The following CSMD2 variants were observed in gnomAD, a reference collection of about 807,000 sequenced individuals.
The protein encoded by CSMD2 is CUB and Sushi multiple domains 2, also known as CUB and sushi domain-containing protein 2.
CSMD2 carries 130 observed loss-of-function variants against 398.5 expected under a neutral mutation model. That is an observed-to-expected ratio of 0.33 (90% confidence interval 0.28 to 0.38). CSMD2 has a LOEUF of 0.38. CSMD2 is among the 10% of genes least tolerant of loss of function. The pLI is 1.00. For missense variants in CSMD2, 3,829 were observed against 4,764.9 expected (o/e 0.80, Z 5.78); for synonymous variants, 1,828 against 1,908.5 (o/e 0.96, Z 1.10).
rs866041088 is a variant in CSMD2, at chr1:33,519,353, T to G, written c.*53+112A>C. 3.6e-4 allele frequency: 230 copies of G among 643,546 alleles called. No individual in the cohort carries two copies. In the Middle Eastern group the frequency reaches 3.8e-3, roughly 11 times the overall value. 39.9% of individuals were successfully genotyped at this position (643,546 alleles called of 1,614,324 possible). On this transcript the variant is annotated intron_variant, in intron 70 of 70. Transcript: ENST00000373381. This position sits in a 1 kb window ranked among gnomAD's most constrained non-coding sequence, Gnocchi z 5.6. Reference sequence around the variant, plus strand: ...TGATGCTCAATGCACAGCTCTCCTCTTACTGGGTGTGTCTATGTGGTGTGT... The same window carrying G: ...TGATGCTCAATGCACAGCTCTCCTCGTACTGGGTGTGTCTATGTGGTGTGT...
chr1:33,693,449 C>T (rs902631441), intron 24 of CSMD2, among the ~76,000 whole-genome samples: 53 of 152,160 alleles, frequency 3.5e-4, no homozygotes, highest in African/African-American at 1.0e-3. Flanking sequence ...ACTATACAAG[C>T]GTAGGTGGGG....
intron 2 of CSMD2, among the ~76,000 whole-genome samples, chr1:34,055,075 C>T (rs1341650878): frequency 1.3e-5 from 2 of 152,182 alleles, no homozygotes; most frequent in Non-Finnish European, 2.9e-5. Flanking sequence ...CTGCCTCCCC[C>T]TGGCATGGTG....
chr1:33,642,537 G>A (rs562145439), intron 29 of CSMD2, among the ~76,000 whole-genome samples: 23 of 152,256 alleles, frequency 1.5e-4, no homozygotes, highest in South Asian at 6.2e-4. Context: ...TCTGGAGTGC[G>A]GATGATGGTC....
chr1:33,983,798 G>A (rs893058390), intron 3 of CSMD2, among the ~76,000 whole-genome samples: 7 of 152,102 alleles, frequency 4.6e-5, no homozygotes, highest in African/African-American at 1.7e-4. Flanking sequence ...TGTTAGCCGA[G>A]AGTGAACATT....
chr1:34,088,801 G>A (rs1292223574), intron 2 of CSMD2, among the ~76,000 whole-genome samples, 176 bp downstream of exon 2: 2 of 152,094 alleles, frequency 1.3e-5, no homozygotes, highest in Non-Finnish European at 2.9e-5. Context: ...CCTCCCAACC[G>A]GAAACCTCTA....
intron 12 of CSMD2, among the ~76,000 whole-genome samples, chr1:33,780,288 G>A (rs1652555467): frequency 6.6e-6 from 1 of 152,172 alleles, no homozygotes; most frequent in Non-Finnish European, 1.5e-5. Context: ...GGCATGCCCA[G>A]ACCACCTGGA....
At chr1:33,678,654 T>A (rs1193073540) in intron 25 of CSMD2, among the ~76,000 whole-genome samples, 2 of 151,916 alleles carry the variant, frequency 1.3e-5, no homozygotes, top group Non-Finnish European at 2.9e-5. Context: ...ACTTGTTTTA[T>A]CAAATGCCCC....
At chr1:33,569,894 TG>T (rs1464234209) in intron 51 of CSMD2, among the ~76,000 whole-genome samples, 3 of 152,178 alleles carry the variant, frequency 2.0e-5, no homozygotes, top group Admixed American at 2.0e-4. Flanking sequence ...TGCTCCTGAG[TG>T]CCCTGGGCAG....
rs1330969566 is a variant in CSMD2 at position 33,820,533 on chromosome 1, C to T, written c.1135G>A (p.Gly379Arg). The change falls in exon 8 of 71, where the codon GGA becomes AGA. Residue 379 changes from glycine to arginine, a missense_variant. Gly to Arg is a moderately radical substitution (Grantham distance 125). This residue lies in a region of CSMD2 where 2,001 missense variants were observed against 2,567.1 expected (regional missense o/e 0.78). Coordinates refer to ENST00000373381, the MANE Select transcript of CSMD2 (RefSeq NM_001281956.2). ...SVLTQVGVSQ[G>R]HNMCPDPGIP... ...CCAGGGTCTGGACACATATTATGTC[C>T]TTGGGACACACCAACCTGAGTTACT... 2.2e-6 allele frequency: 3 copies of T among 1,346,370 alleles called. No homozygotes were observed. The highest frequency in any genetic ancestry group is 2.6e-5 in the East Asian group (1 of 38,648). The allele number at this position is 1,346,370 out of a possible 1,614,324, so 83.4% of individuals were successfully genotyped here.
At chr1:33,873,310 G>GAGCCAATCATT (rs1640606946) in intron 5 of CSMD2, among the ~76,000 whole-genome samples, 1 of 152,132 alleles carries the variant, frequency 6.6e-6, no homozygotes, top group African/African-American at 2.4e-5. Context: ...GAGAGCCAGA[G>GAGCCAATCATT]GGTAGATTGT....
chr1:33,870,426 T>A (rs1640376421), intron 5 of CSMD2: 1 of 152,096 alleles, frequency 6.6e-6, no homozygotes, highest in African/African-American at 2.4e-5. Context: ...ACCCTTCAGG[T>A]TGGCCCTGAC....
chr1:33,850,115 G>C (rs1206366567), intron 5 of CSMD2, among the ~76,000 whole-genome samples: 3 of 152,008 alleles, frequency 2.0e-5, no homozygotes, highest in Non-Finnish European at 2.9e-5. Context: ...ACTTCTCCCA[G>C]AACTCCACCT....
intron 64 of CSMD2, among the ~76,000 whole-genome samples, chr1:33,528,435 TCTC>T (rs2148549193): frequency 6.6e-6 from 1 of 152,310 alleles, no homozygotes; most frequent in African/African-American, 2.4e-5. Context: ...CTTTAGCAAA[TCTC>T]CTTCAACTCT....
chr1:34,152,813 A>T (rs1640451573), intron 1 of CSMD2, among the ~76,000 whole-genome samples: 1 of 152,124 alleles, frequency 6.6e-6, no homozygotes, highest in African/African-American at 2.4e-5. Flanking sequence ...AACATCACCC[A>T]CCATCCATCC....
At chr1:33,594,955 T>C (rs539146151) in intron 44 of CSMD2, among the ~76,000 whole-genome samples, 20 of 152,338 alleles carry the variant, frequency 1.3e-4, no homozygotes, top group African/African-American at 4.3e-4. Context: ...GTCGCCAACA[T>C]GTTGCCCTGT....
chr1:33,537,784 G>A lies in CSMD2; in HGVS notation c.9632-175C>T, dbSNP rs1655947317. On this transcript the variant is annotated intron_variant, in intron 60 of 70. Coordinates refer to ENST00000373381, the MANE Select transcript of CSMD2 (RefSeq NM_001281956.2). The surrounding 1 kb of genome is among the most constrained non-coding windows in gnomAD (Gnocchi z 4.6). ...ACCTGCTGCGGTGCTGCTGCTGATG[G>A]GGGCTTCCTCTCCCTTCTACATTCA... 6.6e-6 allele frequency among the ~76,000 whole-genome samples: 1 copy of A among 152,246 alleles called. No individual in the cohort carries two copies. The highest frequency in any genetic ancestry group is 2.1e-4 in the South Asian group (1 of 4,826).
chr1:34,037,871 T>C (rs1651347457), intron 2 of CSMD2, among the ~76,000 whole-genome samples: 1 of 152,258 alleles, frequency 6.6e-6, no homozygotes, highest in African/African-American at 2.4e-5. Context: ...ACTATATTGA[T>C]GCGAGCTGTG....
intron 15 of CSMD2, among the ~76,000 whole-genome samples, chr1:33,728,424 AAAG>A (rs1373367725): frequency 6.6e-6 from 1 of 152,220 alleles, no homozygotes; most frequent in East Asian, 1.9e-4. Flanking sequence ...TTTAATTAAC[AAAG>A]AAGATTATAA....
intron 5 of CSMD2, among the ~76,000 whole-genome samples, chr1:33,896,582 G>A (rs776249305): frequency 3.3e-5 from 5 of 152,132 alleles, no homozygotes; most frequent in Non-Finnish European, 7.3e-5. Flanking sequence ...TTCATCTGGC[G>A]AAGGAGAATG....
Sources: gnomAD v4.1 joint callset for allele counts (sites outside exome capture counted in the v4.1 genomes callset) on GRCh38, gnomAD v4.1.1 for gene constraint, gnomAD v4.1.1 regional missense constraint, Gnocchi (gnomAD v3.1) non-coding constraint, MANE v1.5 for transcripts, NCBI Gene and HGNC (gene_info 2026-07-23, HGNC 2026-07-21) for gene names.